Variants in DMKN observed in about 807,000 individuals in gnomAD.
The protein encoded by DMKN is epidermis-specific secreted protein SK30/SK89.
In DMKN, 58 loss-of-function variants were observed where a neutral mutation model predicts 67.6. The ratio of observed to expected loss-of-function variants is 0.86; its 90% CI spans 0.69 to 1.07. The LOEUF (loss-of-function observed/expected upper bound fraction) is 1.07, where lower values mean the gene tolerates loss of function less well. DMKN is among the 50% of genes least tolerant of loss of function. The pLI, the probability that DMKN is intolerant of heterozygous loss-of-function variation, is 0.00. For missense variants in DMKN, 596 were observed against 601.5 expected (o/e 0.99, Z 0.10); for synonymous variants, 240 against 232.3 (o/e 1.03, Z -0.30).
In DMKN at chr19:35,511,510, GCTGCTGCCA is replaced by G. The variant is rs1555800284; in HGVS notation, c.810_818del (p.Gly271_Ser273del). On this transcript the variant is annotated inframe_deletion, in exon 5 of 16. Coordinates refer to ENST00000339686, the MANE Select transcript of DMKN (RefSeq NM_033317.5). Reference sequence around the variant, plus strand: ...TGCTGCCGCCACTGCTGCTGCCACTGCTGCTGCCACCACTGCTGCTGCCATTGTTGTTGT... The same window carrying G: ...TGCTGCCGCCACTGCTGCTGCCACTGCCACTGCTGCTGCCATTGTTGTTGT... 4 of 1,098,048 alleles carry G rather than the reference GCTGCTGCCA, an allele frequency of 3.6e-6. No homozygotes were observed. In the African/African-American group the frequency reaches 7.5e-5, roughly 21 times the overall value. 68.0% of individuals were successfully genotyped at this position (1,098,048 alleles called of 1,614,324 possible).
chr19:35,511,479 C>CCACTGCTGCTGCCACTGCTGCT lies in DMKN; in HGVS notation c.849_850insAGCAGCAGTGGCAGCAGCAGTG (p.Gly284SerfsTer23), dbSNP rs776176602. On this transcript the variant is annotated frameshift_variant, in exon 5 of 16. Coordinates refer to ENST00000339686, the MANE Select transcript of DMKN (RefSeq NM_033317.5). LOFTEE classifies it high-confidence loss of function. ...TTGCCACTGCTGCCACCACTGCTGCCGCCACTGCTGCCGCCACTGCTGCTG... is the reference window on the plus strand; with the variant it reads ...TTGCCACTGCTGCCACCACTGCTGCCCACTGCTGCTGCCACTGCTGCTGCCACTGCTGCCGCCACTGCTGCTG... The CCACTGCTGCTGCCACTGCTGCT allele has an allele frequency of 2.7e-5, 26 of 955,362 alleles. No individual in the cohort carries two copies. The African/African-American group carries it at 3.0e-4, about 11-fold the overall frequency. 59.2% of individuals were successfully genotyped at this position (955,362 alleles called of 1,614,324 possible). A position where few individuals can be genotyped will look rare whatever the true frequency, so the allele number is the denominator to read the frequency against.
At chr19:35,510,123 G>A in intron 6 of DMKN, 61 bp downstream of exon 6, 1 of 1,567,488 alleles carries the variant, frequency 6.4e-7, no homozygotes, top group Admixed American at 1.8e-5. Context: ...TCCTGCGAGT[G>A]AAACCAGCTG....
chr19:35,501,134 CAAG>C (rs1380170630), intron 11 of DMKN, among the ~76,000 whole-genome samples: 1 of 152,280 alleles, frequency 6.6e-6, no homozygotes, highest in East Asian at 1.9e-4. Context: ...AGCCCCAGCG[CAAG>C]AGGAGAAACT....
At chr19:35,501,871 C>T (rs1599849002) in intron 11 of DMKN, 1 of 1,586,490 alleles carries the variant, frequency 6.3e-7, no homozygotes. Context: ...GGAGCAGGAG[C>T]AGAGCAGAGG....
At chr19:35,506,883 C>T (rs1202905341) in intron 7 of DMKN, 1 of 213,742 alleles carries the variant, frequency 4.7e-6, no homozygotes, top group Non-Finnish European at 9.6e-6. Flanking sequence ...CATGGTGGCA[C>T]ATGCCTGTAA....
intron 10 of DMKN, among the ~76,000 whole-genome samples, chr19:35,502,525 C>A (rs1165683997): frequency 6.6e-6 from 1 of 151,772 alleles, no homozygotes; most frequent in Non-Finnish European, 1.5e-5. Context: ...TGGTATAAAC[C>A]CTGTCTCTAC....
chr19:35,505,662 C>T (rs1194046735), intron 9 of DMKN, 56 bp downstream of exon 9: 9 of 1,609,022 alleles, frequency 5.6e-6, no homozygotes, highest in African/African-American at 1.3e-5. Context: ...GCTCACAGAG[C>T]GGAGGTTTAG....
intron 1 of DMKN, 49 bp downstream of exon 1, chr19:35,513,001 C>G: frequency 2.5e-6 from 4 of 1,602,838 alleles, no homozygotes; most frequent in Non-Finnish European, 3.4e-6. Flanking sequence ...AATCTCAGCC[C>G]AGCAGCCCAC....
Position 35,511,823 on chromosome 19 carries a change from GA to G in DMKN, c.685-11del. On this transcript the variant is annotated splice_polypyrimidine_tract_variant and intron_variant, in intron 3 of 15. Transcript: ENST00000339686. ...GTGGGGGATTCGTGCACTGTCGAGGGAAAGGGATGGTGAGTTTGGGGACGGT... is the reference window on the plus strand; with the variant it reads ...GTGGGGGATTCGTGCACTGTCGAGGGAAGGGATGGTGAGTTTGGGGACGGT... 6.2e-7 allele frequency: 1 copy of G among 1,611,450 alleles called. No homozygotes were observed. Among genetic ancestry groups the G allele is most frequent in the Middle Eastern group, 1.7e-4 (1 of 6,052 alleles).
At chr19:35,510,050 A>G in intron 6 of DMKN, 89 bp from the exon 7 acceptor site, 1 of 1,585,232 alleles carries the variant, frequency 6.3e-7, no homozygotes, top group Non-Finnish European at 8.6e-7. Context: ...CCCTGGGGCG[A>G]GCCGCTTCCG....
intron 13 of DMKN, among the ~76,000 whole-genome samples, chr19:35,499,460 C>G (rs78872720): frequency 6.6e-6 from 1 of 152,188 alleles, no homozygotes; most frequent in African/African-American, 2.4e-5. Flanking sequence ...CAAATTCTCA[C>G]GTATTTTTTC....
intron 7 of DMKN, among the ~76,000 whole-genome samples, chr19:35,508,909 C>G (rs10439142): frequency 5.3e-5 from 8 of 151,992 alleles, no homozygotes; most frequent in African/African-American, 1.9e-4. Flanking sequence ...ATACTTAAAA[C>G]TGAGGTATAT....
rs373188602 is a variant in DMKN, at chr19:35,505,699, G to A, written c.1134+19C>T. 65 of 1,614,038 alleles carry A rather than the reference G, an allele frequency of 4.0e-5. No homozygotes were observed. The highest frequency in any genetic ancestry group is 1.6e-4 in the East Asian group (7 of 44,900). ...TTTCTTCCCTATAGCCCTCTCCGAC[G>A]AAGATGTCCAGCCCTTACCTTGTTT... On this transcript the variant is annotated intron_variant, in intron 9 of 15. Coordinates refer to ENST00000339686, the MANE Select transcript of DMKN (RefSeq NM_033317.5).
In DMKN at chr19:35,513,326, C is replaced by G; in HGVS notation, c.150G>C (p.Gly50=). The part of the protein sequence containing the change: ...GHGLGDALSE[G]VGKAIGKEAG... ...CCTCTTTGCCAATGGCCTTTCCCAC[C>G]CCTTCGCTCAGGGCGTCTCCCAGGC... is the stretch of plus-strand genomic sequence containing the variant. Residue 50 remains glycine, a synonymous_variant, in exon 1 of 16, where the codon GGG becomes GGC. Coordinates refer to ENST00000339686, the MANE Select transcript of DMKN (RefSeq NM_033317.5). 6.2e-7 allele frequency: 1 copy of G among 1,614,186 alleles called. No homozygotes were observed. Among genetic ancestry groups the G allele is most frequent in the Non-Finnish European group, 8.5e-7 (1 of 1,180,044 alleles).
At position 35,511,808 on chromosome 19, in the gene DMKN, C is replaced by T. The variant is rs4806162; in HGVS notation, c.690G>A (p.Thr230=). Residue 230 remains threonine, a synonymous_variant, in exon 4 of 16, where the codon ACG becomes ACA. Coordinates refer to ENST00000339686, the MANE Select transcript of DMKN (RefSeq NM_033317.5). ...VRASNQNEGC[T]NPPPSGSGGG... ...CACCTGAGCCAGATGGTGGGGGATTCGTGCACTGTCGAGGGAAAGGGATGG... is the reference window on the plus strand; with the variant it reads ...CACCTGAGCCAGATGGTGGGGGATTTGTGCACTGTCGAGGGAAAGGGATGG... 18 of 1,611,996 alleles carry T rather than the reference C, an allele frequency of 1.1e-5. No homozygotes were observed. The highest frequency in any genetic ancestry group is 9.4e-5 in the African/African-American group (7 of 74,772).
At position 35,512,755 on chromosome 19, in the gene DMKN, T is replaced by A. The variant is rs2071046777; in HGVS notation, c.462A>T (p.Gln154His). Residue 154 changes from glutamine (Q) to histidine (H), a missense_variant, in exon 2 of 16, where the codon CAA becomes CAT. Physicochemically the swap from Gln to His is conservative, Grantham distance 24. Transcript: ENST00000339686. The stretch of plus-strand genomic sequence containing the variant: ...CCTGGCCCTGGCCTCCAAGGCCACC[T>A]TGAGAGCCAAAGATGCCATGGCCTC... Reference protein sequence around the residue: ...TSGGHGIFGSQGGLGGQGQGN... With the variant: ...TSGGHGIFGSHGGLGGQGQGN... 1 of 1,613,872 alleles carries A rather than the reference T, an allele frequency of 6.2e-7. No homozygotes were observed. Among genetic ancestry groups the A allele is most frequent in the Non-Finnish European group, 8.5e-7 (1 of 1,179,994 alleles).
At chr19:35,498,446 T>C in intron 15 of DMKN, 1 of 530,026 alleles carries the variant, frequency 1.9e-6, no homozygotes, top group East Asian at 3.3e-5. Context: ...CAGACTCAAG[T>C]GATCCTCCCA....
At position 35,512,485 on chromosome 19, in the gene DMKN, G is replaced by C; in HGVS notation, c.628-8C>G. 1 of 1,614,226 alleles carries C rather than the reference G, an allele frequency of 6.2e-7. No homozygotes were observed. Among genetic ancestry groups the C allele is most frequent in the Non-Finnish European group, 8.5e-7 (1 of 1,180,042 alleles). On this transcript the variant is annotated splice_polypyrimidine_tract_variant and splice_region_variant and intron_variant, in intron 2 of 15. Transcript: ENST00000339686. Reference sequence around the variant, plus strand: ...AGGCTGGGCCACAGCTCCCTGCAGAGAGGGTGAGACTGAGAGTAGGATCCA... The same window carrying C: ...AGGCTGGGCCACAGCTCCCTGCAGACAGGGTGAGACTGAGAGTAGGATCCA...
chr19:35,499,890 T>A, intron 13 of DMKN, 68 bp downstream of exon 13: 1 of 1,561,204 alleles, frequency 6.4e-7, no homozygotes, highest in Non-Finnish European at 8.8e-7. Flanking sequence ...ACCCCGGCAG[T>A]GAAAGCCTCT....
Sources: allele counts gnomAD v4.1 joint callset (sites outside exome capture counted in the v4.1 genomes callset), GRCh38; gene constraint gnomAD v4.1.1; transcripts MANE v1.5; gene names NCBI Gene and HGNC (gene_info 2026-07-23, HGNC 2026-07-21).